CAMK4: variants seen among roughly 807,000 people sequenced by gnomAD.
The protein encoded by CAMK4 is calcium/calmodulin dependent protein kinase IV, also known as calcium/calmodulin-dependent protein kinase type IV.
A neutral mutation model predicts 44.9 loss-of-function variants in CAMK4; 22 were observed. The ratio of observed to expected loss-of-function variants is 0.49; its 90% CI spans 0.35 to 0.70. The LOEUF is 0.70. Among genes scored for constraint, CAMK4 ranks in the 30% least tolerant of loss-of-function variants. The pLI, the probability that CAMK4 is intolerant of heterozygous loss-of-function variation, is 0.01. For synonymous variants in CAMK4, 218 were observed against 215.4 expected (o/e 1.01, Z -0.11); for missense variants, 498 against 586.8 (o/e 0.85, Z 1.56).
At chr5:111,258,290 G>A (rs925090634) in intron 1 of CAMK4, among the ~76,000 whole-genome samples, 2 of 152,124 alleles carry the variant, frequency 1.3e-5, no homozygotes, top group Non-Finnish European at 2.9e-5. Context: ...AAGATGTACA[G>A]CTTGATGTTT....
chr5:111,250,454 C>A (rs1749436847), intron 1 of CAMK4, among the ~76,000 whole-genome samples: 1 of 152,156 alleles, frequency 6.6e-6, no homozygotes, highest in African/African-American at 2.4e-5. Flanking sequence ...GACTTTGAGG[C>A]TAGCTGGTAA....
chr5:111,319,946 G>T (rs577554811), intron 1 of CAMK4, among the ~76,000 whole-genome samples: 1 of 152,136 alleles, frequency 6.6e-6, no homozygotes, highest in South Asian at 2.1e-4. Context: ...GCATGTATGT[G>T]AATCAACCAC....
At chr5:111,480,249 AACACACACACACACACAC>A (rs532395570) in intron 9 of CAMK4, among the ~76,000 whole-genome samples, 1 of 121,188 alleles carries the variant, frequency 8.3e-6, no homozygotes, top group South Asian at 2.8e-4. Context: ...TAGGCATGTA[AACACACACACACACACAC>A]ACACACACAC....
At chr5:111,326,759 A>G (rs1354166984) in intron 1 of CAMK4, among the ~76,000 whole-genome samples, 1 of 151,874 alleles carries the variant, frequency 6.6e-6, no homozygotes, top group East Asian at 1.9e-4. Context: ...CAGTTGCACA[A>G]TACAGGGAAG....
At chr5:111,370,916 A>AAAACAG (rs1255835201) in intron 2 of CAMK4, among the ~76,000 whole-genome samples, 1 of 150,908 alleles carries the variant, frequency 6.6e-6, no homozygotes, top group Non-Finnish European at 1.5e-5. Context: ...TCCATCTCAA[A>AAAACAG]AAACAAAAAC....
chr5:111,469,178 T>C (rs1353341856), intron 7 of CAMK4, among the ~76,000 whole-genome samples: 1 of 56,944 alleles, frequency 1.8e-5, no homozygotes, highest in African/African-American at 7.7e-5. Flanking sequence ...AAAAAATATA[T>C]ATATATATAT....
intron 5 of CAMK4, among the ~76,000 whole-genome samples, chr5:111,425,214 T>C (rs1753182638): frequency 6.6e-6 from 1 of 151,008 alleles, no homozygotes; most frequent in African/African-American, 2.4e-5. Flanking sequence ...TCAGTAGAGA[T>C]TGGGTAGAAG....
intron 5 of CAMK4, among the ~76,000 whole-genome samples, chr5:111,419,984 GT>G (rs1344444646): frequency 2.0e-5 from 3 of 152,106 alleles, no homozygotes; most frequent in Admixed American, 2.0e-4. Context: ...TGTGAAGAAA[GT>G]CATTGGTAGC....
At chr5:111,254,540 G>T (rs1465630919) in intron 1 of CAMK4, among the ~76,000 whole-genome samples, 1 of 152,156 alleles carries the variant, frequency 6.6e-6, no homozygotes, top group Admixed American at 6.5e-5. Context: ...TTTAAAGTGT[G>T]TCAGAGATGA....
At chr5:111,369,529 A>C (rs1447797125) in intron 2 of CAMK4, among the ~76,000 whole-genome samples, 2 of 152,212 alleles carry the variant, frequency 1.3e-5, no homozygotes. Flanking sequence ...CAAAATAAAA[A>C]ATATTTAATG....
chr5:111,253,824 A>G lies in CAMK4; in HGVS notation c.161+29180A>G, dbSNP rs546416928. Among the ~76,000 whole-genome samples, 208 of 152,316 alleles carry G rather than the reference A, an allele frequency of 1.4e-3. 3 individuals carry two copies. The highest frequency in any genetic ancestry group is 4.7e-3 in the African/African-American group (197 of 41,574). On this transcript the variant is annotated intron_variant, in intron 1 of 10. Transcript: ENST00000282356. Reference sequence around the variant, plus strand: ...TTGATATTCATATATGCACATGGATATTTCTTCATCTGAGATAAGACTGTC... The same window carrying G: ...TTGATATTCATATATGCACATGGATGTTTCTTCATCTGAGATAAGACTGTC...
chr5:111,310,197 A>C (rs1349088163), intron 1 of CAMK4, among the ~76,000 whole-genome samples: 1 of 152,106 alleles, frequency 6.6e-6, no homozygotes, highest in Non-Finnish European at 1.5e-5. Context: ...AAGTTTCTCT[A>C]GTTTTATTGC....
At chr5:111,395,034 C>T (rs11956410) in intron 5 of CAMK4, among the ~76,000 whole-genome samples, 5,130 of 151,368 alleles carry the variant, frequency 0.034, 298 homozygotes, top group African/African-American at 0.12. Context: ...CATGGTGAAA[C>T]GCCATATCTA....
chr5:111,457,702 A>G (rs1754467934), intron 7 of CAMK4, among the ~76,000 whole-genome samples: 1 of 152,238 alleles, frequency 6.6e-6, no homozygotes, highest in South Asian at 2.1e-4. Context: ...GAAAATTTAA[A>G]TAAAAGAAAT....
intron 1 of CAMK4, among the ~76,000 whole-genome samples, chr5:111,226,943 G>A (rs1241354291): frequency 2.0e-5 from 3 of 152,066 alleles, no homozygotes; most frequent in South Asian, 2.1e-4. Flanking sequence ...TAAGATTCTC[G>A]CTCTATTATC....
rs553466274 is a variant in CAMK4, at chr5:111,461,784, A to G, written c.626-11527A>G. Among the ~76,000 whole-genome samples the G allele has an allele frequency of 2.1e-5, 3 of 142,600 alleles. No homozygotes were observed. The South Asian group carries it at 6.9e-4, about 33-fold the overall frequency. 93.6% of individuals were successfully genotyped at this position (142,600 alleles called of 152,430 possible). ...CAGTGGATTTTTGTGGCTCGCAGAAAACACTGAATTCAAAACAAGCCTCTA... is the reference window on the plus strand; with the variant it reads ...CAGTGGATTTTTGTGGCTCGCAGAAGACACTGAATTCAAAACAAGCCTCTA... On this transcript the variant is annotated intron_variant, in intron 7 of 10. Coordinates refer to ENST00000282356, the MANE Select transcript of CAMK4 (RefSeq NM_001744.6).
At chr5:111,284,664 G>A (rs1342577708) in intron 1 of CAMK4, among the ~76,000 whole-genome samples, 5 of 152,154 alleles carry the variant, frequency 3.3e-5, no homozygotes, top group African/African-American at 9.7e-5. Context: ...TTAAAGGCCC[G>A]TAATAGGCAA....
chr5:111,324,695 C>T (rs1227604192), intron 1 of CAMK4, among the ~76,000 whole-genome samples: 3 of 152,000 alleles, frequency 2.0e-5, no homozygotes, highest in Admixed American at 2.0e-4. Flanking sequence ...ATCACCTTGA[C>T]TTAATTGACA....
intron 2 of CAMK4, among the ~76,000 whole-genome samples, chr5:111,348,400 A>G (rs907673908): frequency 1.3e-5 from 2 of 152,038 alleles, no homozygotes; most frequent in Admixed American, 6.6e-5. Context: ...GATAATTAAC[A>G]TACAGTGAAT....
Sources: allele counts gnomAD v4.1 joint callset (sites outside exome capture counted in the v4.1 genomes callset), GRCh38; gene constraint gnomAD v4.1.1; transcripts MANE v1.5; gene names NCBI Gene and HGNC (gene_info 2026-07-23, HGNC 2026-07-21).